Variants in LDB3 observed in about 807,000 individuals in gnomAD.
The protein encoded by LDB3 is LIM domain binding 3, also known as LIM domain-binding protein 3.
Under a neutral mutation model 69.0 loss-of-function variants are expected in LDB3, and 49 were observed. The observed-to-expected ratio is 0.71, with a 90% confidence interval of 0.56 to 0.90. The LOEUF is 0.90. Ranked by LOEUF, LDB3 falls within the 40% of genes least tolerant of loss-of-function variation. The pLI, the probability that LDB3 is intolerant of heterozygous loss-of-function variation, is 0.00. For missense variants in LDB3, 928 were observed against 974.1 expected (o/e 0.95, Z 0.63); for synonymous variants, 387 against 396.2 (o/e 0.98, Z 0.28).
rs45516103 is a variant in LDB3 at position 86,734,774 on chromosome 10, G to A, written c.*1798G>A. The stretch of plus-strand genomic sequence containing the variant: ...TGCCACAGGGCCCTTCCTACCTTTG[G>A]ATCTGTGAGAAGGTGAATACAAAGC... On this transcript the variant is annotated 3_prime_UTR_variant, in exon 14 of 14. Transcript: ENST00000361373. 4,156 of 152,250 alleles carry A rather than the reference G, an allele frequency of 0.027. 84 individuals are homozygous for A. The highest frequency in any genetic ancestry group is 0.051 in the South Asian group (245 of 4,820). The allele number at this position is 152,250 out of a possible 1,614,324, so 9.4% of individuals were successfully genotyped here. A position where few individuals can be genotyped will look rare whatever the true frequency, so the allele number is the denominator to read the frequency against.
Position 86,699,172 on chromosome 10 carries a change from T to A in LDB3, c.896+6601T>A. ...CTGCCCCACCTGTTAGACAGGGGAA[T>A]GGTGAACACATTCCCTAACCCCTTT... On this transcript the variant is annotated intron_variant, in intron 7 of 13. Coordinates refer to ENST00000361373, the MANE Select transcript of LDB3 (RefSeq NM_007078.3). This position sits in a 1 kb window ranked among gnomAD's most constrained non-coding sequence, Gnocchi z 4.9. The A allele has an allele frequency of 7.3e-6, 9 of 1,238,296 alleles. No individual in the cohort carries two copies. The highest frequency in any genetic ancestry group is 8.1e-6 in the Non-Finnish European group (7 of 861,318). 76.7% of individuals were successfully genotyped at this position (1,238,296 alleles called of 1,614,324 possible).
chr10:86,689,403 A>T (rs955751906), intron 5 of LDB3, among the ~76,000 whole-genome samples: 2 of 152,168 alleles, frequency 1.3e-5, no homozygotes, highest in African/African-American at 4.8e-5. Flanking sequence ...TCCTCCTCAC[A>T]CCCACCTGTC....
intron 12 of LDB3, 34 bp downstream of exon 12, chr10:86,718,881 C>G: frequency 6.2e-7 from 1 of 1,613,310 alleles, no homozygotes; most frequent in Non-Finnish European, 8.5e-7. Flanking sequence ...GGGGAGGCCC[C>G]ACAGCCTGGG....
At chr10:86,669,036 TCAGGCAGGCAGGCAGG>T (rs71016147) in intron 2 of LDB3, among the ~76,000 whole-genome samples, 1 of 150,804 alleles carries the variant, frequency 6.6e-6, no homozygotes, top group East Asian at 2.0e-4. Context: ...TGCTGAGTTT[TCAGGCAGGCAGGCAGG>T]CAGGCAGGCA....
intron 2 of LDB3, among the ~76,000 whole-genome samples, chr10:86,675,118 C>T (rs746996778): frequency 6.6e-6 from 1 of 152,204 alleles, no homozygotes; most frequent in Non-Finnish European, 1.5e-5. Context: ...TCAGCCACTT[C>T]CCTCTGGTCA....
intron 13 of LDB3, among the ~76,000 whole-genome samples, chr10:86,728,195 A>G (rs564528688): frequency 6.6e-6 from 1 of 152,258 alleles, no homozygotes; most frequent in African/African-American, 2.4e-5. Context: ...TGGTTACCCA[A>G]CTTCTGGAAG....
intron 5 of LDB3, among the ~76,000 whole-genome samples, chr10:86,686,876 A>G (rs1578895): frequency 2.0e-5 from 3 of 151,084 alleles, no homozygotes; most frequent in Admixed American, 2.0e-4. Flanking sequence ...GGTGCCAAGG[A>G]TTTTCTTGAA....
rs138787197 is a variant in LDB3, at chr10:86,698,053, G to A, written c.896+5482G>A. 7.2e-3 allele frequency among the ~76,000 whole-genome samples: 1,089 copies of A among 152,128 alleles called. 8 individuals carry two copies. The highest frequency in any genetic ancestry group is 0.018 in the East Asian group (94 of 5,174). The stretch of plus-strand genomic sequence containing the variant: ...CCCTTCACCCAGGATGCCCCATGCC[G>A]CCTTTTTATAGCCATACCCACTCCC... On this transcript the variant is annotated intron_variant, in intron 7 of 13. Coordinates refer to ENST00000361373, the MANE Select transcript of LDB3 (RefSeq NM_007078.3).
intron 12 of LDB3, among the ~76,000 whole-genome samples, chr10:86,722,522 A>G (rs75262790): frequency 0.16 from 23,415 of 145,076 alleles, 2,542 homozygotes; most frequent in East Asian, 0.56. Context: ...GGCCTCCCAA[A>G]GTGCTGGGAT....
chr10:86,697,116 G>A (rs368036763), intron 7 of LDB3, among the ~76,000 whole-genome samples: 8 of 152,138 alleles, frequency 5.3e-5, no homozygotes, highest in South Asian at 2.1e-4. Context: ...GGCCAGCCCC[G>A]ATGACTGTTA....
At chr10:86,718,679 C>A in intron 11 of LDB3, 48 bp from the exon 12 acceptor site, 3 of 1,613,832 alleles carry the variant, frequency 1.9e-6, no homozygotes, top group Non-Finnish European at 2.5e-6. Flanking sequence ...GGTAGTCAAG[C>A]CCGCTCCCTC....
intron 7 of LDB3, among the ~76,000 whole-genome samples, chr10:86,704,665 C>T (rs1365220066): frequency 1.3e-5 from 2 of 151,686 alleles, no homozygotes; most frequent in Non-Finnish European, 2.9e-5. Flanking sequence ...CTGCAAGCTC[C>T]ACCTCCTGGG....
chr10:86,700,247 G>A (rs1846205100), intron 7 of LDB3, among the ~76,000 whole-genome samples: 1 of 152,166 alleles, frequency 6.6e-6, no homozygotes, highest in African/African-American at 2.4e-5. Context: ...CCCACGGCGG[G>A]AGGATGGCTG....
chr10:86,697,467 AGCCTCG>A (rs1359891910), intron 7 of LDB3, among the ~76,000 whole-genome samples: 1 of 147,034 alleles, frequency 6.8e-6, no homozygotes, highest in Non-Finnish European at 1.5e-5. Flanking sequence ...GTGATCCACC[AGCCTCG>A]GTCTCCCAAA....
chr10:86,697,556 T>C (rs1005847727), intron 7 of LDB3, among the ~76,000 whole-genome samples: 13 of 135,866 alleles, frequency 9.6e-5, no homozygotes, highest in Non-Finnish European at 1.7e-4. Flanking sequence ...TTTCTTTTTT[T>C]TTTTTTTTTT....
intron 9 of LDB3, among the ~76,000 whole-genome samples, chr10:86,714,727 T>G (rs1846798996): frequency 6.6e-6 from 1 of 151,960 alleles, no homozygotes; most frequent in Non-Finnish European, 1.5e-5. Context: ...AGCTAATTTT[T>G]TGTATTTTTT....
intron 9 of LDB3, among the ~76,000 whole-genome samples, chr10:86,715,859 G>C (rs1422771164): frequency 6.6e-6 from 1 of 152,182 alleles, no homozygotes; most frequent in Non-Finnish European, 1.5e-5. Flanking sequence ...TTTGTCCTGA[G>C]GGCTGACCTA....
intron 5 of LDB3, among the ~76,000 whole-genome samples, chr10:86,690,704 G>A (rs988750404): frequency 7.9e-5 from 12 of 152,244 alleles, no homozygotes; most frequent in Non-Finnish European, 1.6e-4. Flanking sequence ...CTGGGGAAAA[G>A]GGAGAGGCAG....
chr10:86,680,266 A>T (rs1338020929), intron 4 of LDB3, 109 bp downstream of exon 4: 3 of 968,894 alleles, frequency 3.1e-6, no homozygotes, highest in Non-Finnish European at 4.8e-6. Context: ...AGGCCGTGGG[A>T]TCAGCCCTGC....
Sources: gnomAD v4.1 joint callset for allele counts (sites outside exome capture counted in the v4.1 genomes callset) on GRCh38, gnomAD v4.1.1 for gene constraint, Gnocchi (gnomAD v3.1) non-coding constraint, MANE v1.5 for transcripts, NCBI Gene and HGNC (gene_info 2026-07-23, HGNC 2026-07-21) for gene names.